MAST4: variants seen among roughly 807,000 people sequenced by gnomAD.
The protein encoded by MAST4 is microtubule associated serine/threonine kinase family member 4, also known as microtubule-associated serine/threonine-protein kinase 4.
MAST4 carries 89 observed loss-of-function variants against 162.7 expected under a neutral mutation model. The observed-to-expected ratio is 0.55, with a 90% CI of 0.46 to 0.65. The LOEUF is 0.65. Ranked by LOEUF, MAST4 falls within the 30% of genes least tolerant of loss-of-function variation. The pLI is 0.00. For synonymous variants in MAST4, 1,479 were observed against 1,361.1 expected (o/e 1.09, Z -1.91); for missense variants, 3,153 against 3,374.0 (o/e 0.93, Z 1.62).
At chr5:67,041,785 C>T (rs1756775590) in intron 4 of MAST4, among the ~76,000 whole-genome samples, 1 of 152,160 alleles carries the variant, frequency 6.6e-6, no homozygotes, top group African/African-American at 2.4e-5. Context: ...TGTGCCACCA[C>T]ACCCAGCTAA....
rs113595130 is a variant in MAST4 at position 66,915,683 on chromosome 5, G to A, written c.674+15701G>A. The stretch of plus-strand genomic sequence containing the variant: ...TGTAACTAAACAGTTGAGGCTGCAC[G>A]CGGGCGCTGGTCCCGAGGGTCAGTG... On this transcript the variant is annotated intron_variant, in intron 4 of 28. Transcript: ENST00000403625. Among the ~76,000 whole-genome samples the A allele has an allele frequency of 8.4e-3, 1,282 of 152,274 alleles. 19 individuals are homozygous for A. The highest frequency in any genetic ancestry group is 0.029 in the African/African-American group (1,218 of 41,546).
intron 4 of MAST4, among the ~76,000 whole-genome samples, chr5:66,960,185 AAG>A (rs1389010791): frequency 2.0e-5 from 3 of 152,236 alleles, no homozygotes; most frequent in Non-Finnish European, 4.4e-5. Context: ...TGTCTGCAGA[AAG>A]AGACTGCAGA....
intron 19 of MAST4, among the ~76,000 whole-genome samples, chr5:67,137,338 G>C (rs1769790649): frequency 6.6e-6 from 1 of 152,116 alleles, no homozygotes; most frequent in Non-Finnish European, 1.5e-5. Flanking sequence ...GACAGACTTA[G>C]CAATCCCAGT....
intron 1 of MAST4, among the ~76,000 whole-genome samples, chr5:66,718,686 A>C (rs756992386): frequency 1.3e-4 from 20 of 152,164 alleles, no homozygotes; most frequent in Admixed American, 1.2e-3. Flanking sequence ...CATCTCCCCA[A>C]GTTTGTCTGG....
At chr5:67,139,658 G>C (rs747427370) in intron 19 of MAST4, among the ~76,000 whole-genome samples, 20 of 152,180 alleles carry the variant, frequency 1.3e-4, no homozygotes, top group Non-Finnish European at 7.3e-5. Flanking sequence ...TATCTAACAG[G>C]AGCTCAAGGT....
At chr5:67,047,438 TC>T (rs150882238) in intron 4 of MAST4, among the ~76,000 whole-genome samples, 1,878 of 152,346 alleles carry the variant, frequency 0.012, 42 homozygotes, top group African/African-American at 0.041. Context: ...AATGCTCACT[TC>T]CTTGCTTTCT....
At chr5:66,616,376 T>C (rs544960803) in intron 1 of MAST4, among the ~76,000 whole-genome samples, 13 of 152,314 alleles carry the variant, frequency 8.5e-5, no homozygotes, top group African/African-American at 3.1e-4. Context: ...GTATGAGATG[T>C]TCAAATAATA....
chr5:66,955,366 G>A (rs1745186429), intron 4 of MAST4, among the ~76,000 whole-genome samples: 1 of 152,120 alleles, frequency 6.6e-6, no homozygotes, highest in African/African-American at 2.4e-5. Flanking sequence ...AGGGCAAGAG[G>A]CAGGAGTGTG....
At chr5:67,082,865 A>G (rs1034953003) in intron 5 of MAST4, among the ~76,000 whole-genome samples, 1 of 152,216 alleles carries the variant, frequency 6.6e-6, no homozygotes, top group Non-Finnish European at 1.5e-5. Flanking sequence ...AGAGAGCAGA[A>G]GCTCTCTGTA....
chr5:67,005,006 G>A (rs1751812328), intron 4 of MAST4: 1 of 773,608 alleles, frequency 1.3e-6, no homozygotes, highest in Non-Finnish European at 2.4e-6. Flanking sequence ...GGATATGTCT[G>A]ACCCCAATTT....
intron 3 of MAST4, among the ~76,000 whole-genome samples, chr5:66,832,516 C>T (rs1037205038): frequency 6.6e-6 from 1 of 152,072 alleles, no homozygotes; most frequent in Admixed American, 6.6e-5. Context: ...TTTCCGCTGG[C>T]CTTGGTCTAG....
At chr5:67,104,630 A>G in intron 10 of MAST4, 55 bp downstream of exon 10, 1 of 1,502,386 alleles carries the variant, frequency 6.7e-7, no homozygotes, top group Admixed American at 2.0e-5. Flanking sequence ...CCCTGAAAAA[A>G]ATTTTTTTTT....
chr5:67,012,705 T>G (rs1752836825), intron 4 of MAST4, among the ~76,000 whole-genome samples: 1 of 152,160 alleles, frequency 6.6e-6, no homozygotes, highest in Non-Finnish European at 1.5e-5. Context: ...ACATTGTAGT[T>G]CTGGTACTGT....
At chr5:66,800,630 A>C (rs1055691761) in intron 3 of MAST4, among the ~76,000 whole-genome samples, 3 of 152,104 alleles carry the variant, frequency 2.0e-5, no homozygotes, top group African/African-American at 7.2e-5. Flanking sequence ...TAATCTGTAC[A>C]ACAAACCCCC....
intron 4 of MAST4, among the ~76,000 whole-genome samples, chr5:66,966,249 T>C (rs1746717958): frequency 6.6e-6 from 1 of 152,252 alleles, no homozygotes; most frequent in Non-Finnish European, 1.5e-5. Context: ...TTTAATTATC[T>C]GGTTTAGGTA....
chr5:66,857,818 C>T (rs947073599), intron 3 of MAST4, among the ~76,000 whole-genome samples: 6 of 151,966 alleles, frequency 3.9e-5, no homozygotes, highest in Admixed American at 6.6e-5. Flanking sequence ...CTTATGGTGT[C>T]GTTTGTCAAG....
intron 5 of MAST4, among the ~76,000 whole-genome samples, chr5:67,088,207 T>A (rs1366456677): frequency 6.6e-6 from 1 of 152,194 alleles, no homozygotes; most frequent in East Asian, 1.9e-4. Context: ...TTGTTCTAGT[T>A]GATCACGTTG....
At chr5:66,712,004 A>G (rs1011381030) in intron 1 of MAST4, among the ~76,000 whole-genome samples, 2 of 152,052 alleles carry the variant, frequency 1.3e-5, no homozygotes, top group African/African-American at 2.4e-5. Context: ...TAGGGGGGCC[A>G]TTTTTCAGAT....
At chr5:67,033,524 C>T (rs1052717161) in intron 4 of MAST4, among the ~76,000 whole-genome samples, 1 of 152,002 alleles carries the variant, frequency 6.6e-6, no homozygotes, top group Non-Finnish European at 1.5e-5. Flanking sequence ...AACTCCTGGT[C>T]AAAGTCATAA....
Sources: allele counts gnomAD v4.1 joint callset (sites outside exome capture counted in the v4.1 genomes callset), GRCh38; gene constraint gnomAD v4.1.1; transcripts MANE v1.5; gene names NCBI Gene and HGNC (gene_info 2026-07-23, HGNC 2026-07-21).